The following FA2H variants were observed in gnomAD, a reference collection of about 807,000 sequenced individuals.
FA2H encodes the protein fatty acid alpha-hydroxylase.
In FA2H, 22 loss-of-function variants were observed where a neutral mutation model predicts 44.9. The ratio of observed to expected loss-of-function variants is 0.49; its 90% CI spans 0.35 to 0.70. FA2H has a LOEUF of 0.70. Among genes scored for constraint, FA2H ranks in the 30% least tolerant of loss-of-function variants. FA2H has a pLI of 0.01. For synonymous variants in FA2H, 243 were observed against 213.2 expected (o/e 1.14, Z -1.22); for missense variants, 501 against 504.9 (o/e 0.99, Z 0.07).
At chr16:74,732,021 C>T (rs767954543) in intron 2 of FA2H, among the ~76,000 whole-genome samples, 8 of 152,166 alleles carry the variant, frequency 5.3e-5, no homozygotes, top group Non-Finnish European at 1.0e-4. Flanking sequence ...TATAGGCTCA[C>T]GCCACCATGC....
chr16:74,751,675 C>T (rs1170478780), intron 1 of FA2H, among the ~76,000 whole-genome samples: 1 of 147,540 alleles, frequency 6.8e-6, no homozygotes, highest in Non-Finnish European at 1.5e-5. Flanking sequence ...TTGCAAATGA[C>T]ACACGGACAG....
At chr16:74,766,586 C>T (rs974481305) in intron 1 of FA2H, among the ~76,000 whole-genome samples, 3 of 151,812 alleles carry the variant, frequency 2.0e-5, no homozygotes, top group African/African-American at 4.8e-5. Context: ...GTGAGTGTAG[C>T]GAGGCTCTAG....
chr16:74,747,335 AAAG>A (rs1962443980), intron 1 of FA2H, among the ~76,000 whole-genome samples: 1 of 480 alleles, frequency 2.1e-3, no homozygotes, highest in East Asian at 0.17. Flanking sequence ...AATAAATAAG[AAAG>A]AAAGAAAGAA....
At chr16:74,767,912 T>C (rs754415047) in intron 1 of FA2H, among the ~76,000 whole-genome samples, 1 of 152,128 alleles carries the variant, frequency 6.6e-6, no homozygotes, top group Non-Finnish European at 1.5e-5. Flanking sequence ...TGATCAATGG[T>C]GTCACCAGTT....
intron 4 of FA2H, among the ~76,000 whole-genome samples, chr16:74,722,825 C>T (rs560308329): frequency 4.9e-4 from 74 of 149,592 alleles, no homozygotes; most frequent in African/African-American, 1.7e-3. Context: ...GCAGGAGAAT[C>T]GCTTGAACCC....
In FA2H at chr16:74,716,267, G is replaced by C. The variant is rs948209314; in HGVS notation, c.1039+80C>G. The C allele has an allele frequency of 3.2e-6, 5 of 1,538,610 alleles. No individual in the cohort carries two copies. In the African/African-American group the frequency reaches 6.8e-5, roughly 21 times the overall value. ...CCCGTACATGGAACAGTGCCTTGCC[G>C]TTCCCAGGAGCTCGATGGTAGTTGG... is the stretch of plus-strand genomic sequence containing the variant. On this transcript the variant is annotated intron_variant, in intron 6 of 6. Coordinates refer to ENST00000219368, the MANE Select transcript of FA2H (RefSeq NM_024306.5).
intron 1 of FA2H, among the ~76,000 whole-genome samples, chr16:74,765,240 TC>T (rs1962788932): frequency 6.6e-6 from 1 of 151,422 alleles, no homozygotes; most frequent in Non-Finnish European, 1.5e-5. Flanking sequence ...CACTGCAACC[TC>T]CGCCTCCTGG....
chr16:74,771,342 CACCACG>C (rs1192578885), intron 1 of FA2H, among the ~76,000 whole-genome samples: 1 of 152,038 alleles, frequency 6.6e-6, no homozygotes, highest in Non-Finnish European at 1.5e-5. Flanking sequence ...AGGCATGCAC[CACCACG>C]CCCAGCTAAT....
At chr16:74,755,159 G>GC (rs1555541209) in intron 1 of FA2H, among the ~76,000 whole-genome samples, 1 of 146,698 alleles carries the variant, frequency 6.8e-6, no homozygotes, top group Non-Finnish European at 1.5e-5. Flanking sequence ...ATACATTTGT[G>GC]TTTTTTTTTT....
chr16:74,729,299 A>G (rs1374449739), intron 2 of FA2H, among the ~76,000 whole-genome samples: 2 of 152,124 alleles, frequency 1.3e-5, no homozygotes, highest in African/African-American at 4.8e-5. Context: ...GTAAGCCACC[A>G]CACCCGGCCT....
intron 4 of FA2H, among the ~76,000 whole-genome samples, chr16:74,724,773 G>T (rs924723550): frequency 6.6e-5 from 10 of 152,204 alleles, no homozygotes; most frequent in African/African-American, 2.4e-4. Context: ...GTGGCTGATA[G>T]AGCCCTCAAA....
intron 2 of FA2H, among the ~76,000 whole-genome samples, chr16:74,734,402 T>G (rs1962139909): frequency 6.6e-6 from 1 of 152,208 alleles, no homozygotes; most frequent in Non-Finnish European, 1.5e-5. Context: ...GTGGAGGGAT[T>G]TTTTGGTGAT....
intron 1 of FA2H, among the ~76,000 whole-genome samples, chr16:74,748,743 G>T (rs542413290): frequency 1.3e-5 from 2 of 152,214 alleles, no homozygotes; most frequent in East Asian, 1.9e-4. Context: ...CATAGAGGCC[G>T]CGTGAAAGGA....
At chr16:74,739,905 C>T in intron 2 of FA2H, 118 bp downstream of exon 2, 1 of 828,612 alleles carries the variant, frequency 1.2e-6, no homozygotes, top group Non-Finnish European at 2.1e-6. Flanking sequence ...GCTTCTCCTT[C>T]CCCTTCTCCC....
intron 1 of FA2H, among the ~76,000 whole-genome samples, chr16:74,765,242 C>T (rs535123530): frequency 2.8e-4 from 43 of 152,038 alleles, no homozygotes; most frequent in African/African-American, 9.9e-4. Context: ...CTGCAACCTC[C>T]GCCTCCTGGG....
chr16:74,726,397 T>C (rs1961957501), intron 3 of FA2H, 66 bp from the exon 4 acceptor site: 4 of 1,055,056 alleles, frequency 3.8e-6, no homozygotes, highest in Non-Finnish European at 5.8e-6. Flanking sequence ...CAGCTTTCTT[T>C]TTTTTTTTGA....
chr16:74,741,685 TC>T (rs1962298239), intron 1 of FA2H, among the ~76,000 whole-genome samples: 1 of 150,526 alleles, frequency 6.6e-6, no homozygotes, highest in African/African-American at 2.5e-5. Flanking sequence ...GGTCTTGAAC[TC>T]CTGACCTCAG....
intron 4 of FA2H, among the ~76,000 whole-genome samples, chr16:74,723,812 C>T (rs527660908): frequency 6.6e-6 from 1 of 152,240 alleles, no homozygotes; most frequent in South Asian, 2.1e-4. Context: ...AAACACCCTA[C>T]CCATCTTGGA....
intron 2 of FA2H, among the ~76,000 whole-genome samples, chr16:74,728,461 T>C (rs1361390133): frequency 1.3e-5 from 2 of 152,052 alleles, no homozygotes; most frequent in Non-Finnish European, 2.9e-5. Context: ...ATGGGGGATT[T>C]GACAAGGGGG....
Sources: allele counts gnomAD v4.1 joint callset (sites outside exome capture counted in the v4.1 genomes callset), GRCh38; gene constraint gnomAD v4.1.1; transcripts MANE v1.5; gene names NCBI Gene and HGNC (gene_info 2026-07-23, HGNC 2026-07-21).